Variants in CDH2 observed in about 807,000 individuals in gnomAD.
CDH2 encodes cadherin-2.
CDH2 carries 17 observed loss-of-function variants against 92.0 expected under a neutral mutation model. That is an observed-to-expected ratio of 0.18 (90% CI 0.13 to 0.28). CDH2 has a LOEUF of 0.28. CDH2 is among the 10% of genes least tolerant of loss of function. The probability of loss-of-function intolerance (pLI) is 1.00; values close to 1 mark genes in which losing one functional copy is unlikely to be tolerated. For synonymous variants in CDH2, 419 were observed against 415.9 expected (o/e 1.01, Z -0.09); for missense variants, 862 against 1,133.1 (o/e 0.76, Z 3.44).
At chr18:28,068,382 A>C (rs2014550323) in intron 2 of CDH2, among the ~76,000 whole-genome samples, 1 of 152,260 alleles carries the variant, frequency 6.6e-6, no homozygotes, top group Non-Finnish European at 1.5e-5. Flanking sequence ...AAATCTAAGA[A>C]CTTGTCAGTA....
At chr18:27,991,607 C>T (rs1020878276) in intron 9 of CDH2, among the ~76,000 whole-genome samples, 1 of 152,304 alleles carries the variant, frequency 6.6e-6, no homozygotes, top group South Asian at 2.1e-4. Flanking sequence ...ATACTGTTAT[C>T]AGCCCCTTTC....
At chr18:28,009,402 C>T (rs1362497618) in intron 5 of CDH2, among the ~76,000 whole-genome samples, 1 of 152,136 alleles carries the variant, frequency 6.6e-6, no homozygotes, top group African/African-American at 2.4e-5. Flanking sequence ...ACAGATTTGA[C>T]TCCATTCATA....
chr18:28,161,537 A>C (rs1290522844), intron 1 of CDH2, among the ~76,000 whole-genome samples: 2 of 150,042 alleles, frequency 1.3e-5, no homozygotes, highest in Non-Finnish European at 3.0e-5. Context: ...CCGAGACTGC[A>C]TCACTGCACT....
chr18:27,942,751 A>T (rs1048927895), intron 6 of CDH2, among the ~76,000 whole-genome samples: 6 of 152,198 alleles, frequency 3.9e-5, no homozygotes, highest in African/African-American at 1.4e-4. Context: ...AAAATTGTTC[A>T]GCTTACAACT....
intron 2 of CDH2, among the ~76,000 whole-genome samples, chr18:28,041,086 G>A (rs2013939295): frequency 6.6e-6 from 1 of 152,110 alleles, no homozygotes; most frequent in African/African-American, 2.4e-5. Flanking sequence ...CAGTTACTGG[G>A]GAGGGGTCCA....
At chr18:28,069,442 A>C (rs1293621319) in intron 2 of CDH2, among the ~76,000 whole-genome samples, 1 of 152,154 alleles carries the variant, frequency 6.6e-6, no homozygotes, top group African/African-American at 2.4e-5. Context: ...TCTTTCTATA[A>C]TAGTAATCCC....
At chr18:28,079,449 A>C (rs2014785242) in intron 2 of CDH2, among the ~76,000 whole-genome samples, 1 of 152,166 alleles carries the variant, frequency 6.6e-6, no homozygotes, top group South Asian at 2.1e-4. Flanking sequence ...GGGTCTCTCC[A>C]ATTATTTGTT....
rs201866479 is a variant in CDH2, at chr18:27,990,196, T to C, written c.1499A>G (p.Asn500Ser). 2.5e-4 allele frequency: 398 copies of C among 1,613,968 alleles called. 1 individual carries two copies. The highest frequency in any genetic ancestry group is 2.9e-4 in the Non-Finnish European group (348 of 1,180,000). ...TTCTTCTTGGCGAATGATCTTAGGA[T>C]TGGGGGCAAAATAAGGGTTTTCATT... ...DVNENPYFAP[N>S]PKIIRQEEGL... is the part of the protein sequence containing the mutation. Residue 500 changes from asparagine to serine, a missense_variant, in exon 10 of 16, where the codon AAT becomes AGT. Physicochemically the swap from Asn to Ser is conservative, Grantham distance 46 (BLOSUM62 1). Around this residue, in one of 5 missense-constraint regions of CDH2, gnomAD observed 564 missense variants for 722.2 expected, o/e 0.78. Coordinates refer to ENST00000269141, the MANE Select transcript of CDH2 (RefSeq NM_001792.5).
intron 4 of CDH2, among the ~76,000 whole-genome samples, chr18:28,011,289 G>A (rs2013092220): frequency 6.6e-6 from 1 of 151,000 alleles, no homozygotes; most frequent in African/African-American, 2.4e-5. Flanking sequence ...TGTATCTAGA[G>A]TAAATAACTA....
At chr18:28,152,023 T>G (rs2016130849) in intron 1 of CDH2, among the ~76,000 whole-genome samples, 2 of 152,158 alleles carry the variant, frequency 1.3e-5, no homozygotes, top group South Asian at 4.1e-4. Flanking sequence ...TTTTCTTGCT[T>G]AAAAGCATTT....
chr18:28,164,157 T>C (rs1478400009), intron 1 of CDH2, among the ~76,000 whole-genome samples: 1 of 152,208 alleles, frequency 6.6e-6, no homozygotes, highest in Non-Finnish European at 1.5e-5. Context: ...CAAATGGATG[T>C]CAATCTGCTT....
At chr18:28,040,350 T>C (rs1055843373) in intron 2 of CDH2, among the ~76,000 whole-genome samples, 1 of 152,206 alleles carries the variant, frequency 6.6e-6, no homozygotes, top group Non-Finnish European at 1.5e-5. Flanking sequence ...TTATAATTCC[T>C]GACATGGCAG....
At chr18:27,965,710 C>T (rs767373599) in intron 14 of CDH2, among the ~76,000 whole-genome samples, 15 of 152,002 alleles carry the variant, frequency 9.9e-5, no homozygotes, top group African/African-American at 2.4e-4. Context: ...ATGCTATACA[C>T]GACAAAAAGA....
chr18:28,136,420 A>G (rs2015863335), intron 2 of CDH2, among the ~76,000 whole-genome samples: 1 of 151,906 alleles, frequency 6.6e-6, no homozygotes. Context: ...AGTAAAGTGA[A>G]GAATCTTCGT....
At chr18:27,998,470 A>G (rs2012659413) in intron 7 of CDH2, among the ~76,000 whole-genome samples, 1 of 152,206 alleles carries the variant, frequency 6.6e-6, no homozygotes, top group African/African-American at 2.4e-5. Context: ...ATGGTCAAGA[A>G]TCTGTACCGT....
At chr18:27,972,318 C>T (rs1233493808) in intron 14 of CDH2, among the ~76,000 whole-genome samples, 6 of 152,282 alleles carry the variant, frequency 3.9e-5, no homozygotes, top group Admixed American at 1.3e-4. Flanking sequence ...TGGCTATGAG[C>T]CTAGCCATAC....
chr18:27,951,732 T>TTTAA lies in CDH2; in HGVS notation c.*417_*420dup, dbSNP rs1909465880. 1 of 158,818 alleles carries TTTAA rather than the reference T, an allele frequency of 6.3e-6. No homozygotes were observed. The highest frequency in any genetic ancestry group is 2.4e-5 in the African/African-American group (1 of 41,518). The allele number at this position is 158,818 out of a possible 1,614,324, so 9.8% of individuals were successfully genotyped here. ...ATCGCTCCATGAGTTTTTTTGTTTG[T>TTTAA]TTAATTTTGTATTTTAATAAAAGCA... On this transcript the variant is annotated 3_prime_UTR_variant, in exon 16 of 16. Coordinates refer to ENST00000269141, the MANE Select transcript of CDH2 (RefSeq NM_001792.5).
chr18:28,084,871 G>T (rs2014897740), intron 2 of CDH2, among the ~76,000 whole-genome samples: 2 of 152,032 alleles, frequency 1.3e-5, no homozygotes, highest in African/African-American at 4.8e-5. Flanking sequence ...AGCTATCCTT[G>T]GTACAGCTCT....
chr18:27,946,719 CAT>C (rs1909276023), downstream of CDH2, among the ~76,000 whole-genome samples: 2 of 151,894 alleles, frequency 1.3e-5, no homozygotes, highest in Admixed American at 6.6e-5. Context: ...AAGATAACCA[CAT>C]ATAACTTAAA....
Sources: gnomAD v4.1 joint callset for allele counts (sites outside exome capture counted in the v4.1 genomes callset) on GRCh38, gnomAD v4.1.1 for gene constraint, gnomAD v4.1.1 regional missense constraint, MANE v1.5 for transcripts, NCBI Gene and HGNC (gene_info 2026-07-23, HGNC 2026-07-21) for gene names.